The following PDE1C variants were observed in gnomAD, a reference collection of about 807,000 sequenced individuals.
The protein encoded by PDE1C is dual specificity calcium/calmodulin-dependent 3',5'-cyclic nucleotide phosphodiesterase 1C.
In PDE1C, 62 loss-of-function variants were observed where a neutral mutation model predicts 93.1. The observed-to-expected ratio is 0.67, with a 90% CI of 0.54 to 0.82. The LOEUF (loss-of-function observed/expected upper bound fraction) is 0.82, where lower values mean the gene tolerates loss of function less well. Among genes scored for constraint, PDE1C ranks in the 40% least tolerant of loss-of-function variants. The probability of loss-of-function intolerance (pLI) is 0.00; values close to 1 mark genes in which losing one functional copy is unlikely to be tolerated. For missense variants in PDE1C, 742 were observed against 884.6 expected, an observed-to-expected ratio of 0.84 and a Z score of 2.04; for synonymous variants, 325 against 310.1, an observed-to-expected ratio of 1.05 and a Z score of -0.50.
chr7:32,106,590 A>C (rs774964571), intron 3 of PDE1C, among the ~76,000 whole-genome samples: 1 of 152,168 alleles, frequency 6.6e-6, no homozygotes, highest in South Asian at 2.1e-4. Context: ...GGATTTAGCT[A>C]AAAGAACTCC....
chr7:31,744,919 C>T, the PDE1C span, among the ~76,000 whole-genome samples: 1 of 152,218 alleles, frequency 6.6e-6, no homozygotes, highest in South Asian at 2.1e-4. Flanking sequence ...CTGTGTTCCT[C>T]TCTTCACCAG....
intron 2 of PDE1C, among the ~76,000 whole-genome samples, chr7:32,006,386 T>C (rs551539278): frequency 5.1e-4 from 78 of 152,314 alleles, no homozygotes; most frequent in African/African-American, 1.8e-3. Context: ...CCCCACACTA[T>C]ACAATACAGG....
intron 17 of PDE1C, among the ~76,000 whole-genome samples, chr7:31,767,957 G>C (rs1295641547): frequency 6.6e-6 from 1 of 152,166 alleles, no homozygotes; most frequent in Non-Finnish European, 1.5e-5. Context: ...CACATTGTGT[G>C]GGGGTTCAGT....
At chr7:31,922,262 G>A (rs1357075922) in intron 2 of PDE1C, among the ~76,000 whole-genome samples, 1 of 152,044 alleles carries the variant, frequency 6.6e-6, no homozygotes, top group African/African-American at 2.4e-5. Flanking sequence ...GAAATACTTT[G>A]GAAACACTAA....
intron 1 of PDE1C, among the ~76,000 whole-genome samples, chr7:32,389,976 G>T (rs1784720350): frequency 6.6e-6 from 1 of 152,090 alleles, no homozygotes; most frequent in Admixed American, 6.6e-5. Flanking sequence ...TAAGGAATTG[G>T]TCTATATTGA....
intron 1 of PDE1C, among the ~76,000 whole-genome samples, chr7:32,251,987 A>G (rs6960114): frequency 0.41 from 62,514 of 152,106 alleles, 13,696 homozygotes; most frequent in African/African-American, 0.55. Context: ...CTCAACTGAT[A>G]GACAACCCTG....
At chr7:31,730,315 A>G in the PDE1C span, among the ~76,000 whole-genome samples, 3 of 152,142 alleles carry the variant, frequency 2.0e-5, no homozygotes, top group African/African-American at 7.2e-5. Context: ...GCTGACCTCC[A>G]TCTCAGCTCT....
In PDE1C at chr7:31,841,085, T is replaced by G. The variant is rs539248107; in HGVS notation, c.981-3114A>C. On this transcript the variant is annotated intron_variant, in intron 9 of 17. Transcript: ENST00000396191. ...TATAATCAGCAATACTACATAATCT[T>G]TAGTGAACATGAGCTGCATTTGTTT... Among the ~76,000 whole-genome samples the G allele has an allele frequency of 5.3e-5, 8 of 152,142 alleles. No homozygotes were observed. In the South Asian group the frequency reaches 1.0e-3, roughly 20 times the overall value.
intron 9 of PDE1C, among the ~76,000 whole-genome samples, chr7:31,845,447 A>G (rs1358032229): frequency 6.6e-6 from 1 of 152,116 alleles, no homozygotes; most frequent in Non-Finnish European, 1.5e-5. Flanking sequence ...CTCAAAATAC[A>G]AACTCTGTAT....
intron 3 of PDE1C, among the ~76,000 whole-genome samples, chr7:32,114,083 C>T (rs1798841294): frequency 6.6e-6 from 1 of 152,106 alleles, no homozygotes; most frequent in African/African-American, 2.4e-5. Flanking sequence ...CAATGCTATT[C>T]TCATCAAACT....
intron 9 of PDE1C, 129 bp from the exon 10 acceptor site, chr7:31,838,100 C>A (rs758684500): frequency 3.0e-6 from 2 of 662,780 alleles, no homozygotes; most frequent in Non-Finnish European, 5.4e-6. Flanking sequence ...TAATTTGGGT[C>A]TTTAAGGTGA....
chr7:32,360,573 G>A (rs1375606012), intron 1 of PDE1C, among the ~76,000 whole-genome samples: 2 of 152,216 alleles, frequency 1.3e-5, no homozygotes, highest in African/African-American at 2.4e-5. Context: ...CCTGGGGCCA[G>A]CTTCATGGGG....
intron 1 of PDE1C, among the ~76,000 whole-genome samples, chr7:32,378,748 A>T (rs1317685181): frequency 6.6e-6 from 1 of 152,138 alleles, no homozygotes; most frequent in Admixed American, 6.6e-5. Flanking sequence ...CTGTGATGGT[A>T]CCCCAACCAA....
chr7:31,672,387 CCT>C, the PDE1C span, among the ~76,000 whole-genome samples: 1 of 152,116 alleles, frequency 6.6e-6, no homozygotes, highest in African/African-American at 2.4e-5. Flanking sequence ...TAAAATATCA[CCT>C]CTCAATATAC....
the PDE1C span, among the ~76,000 whole-genome samples, chr7:31,673,867 TAA>T: frequency 4.4e-4 from 67 of 152,326 alleles, no homozygotes; most frequent in South Asian, 1.7e-3. Flanking sequence ...TCTAAACTGA[TAA>T]AATGCCTTTC....
chr7:31,741,817 C>G, the PDE1C span, among the ~76,000 whole-genome samples: 1 of 152,210 alleles, frequency 6.6e-6, no homozygotes, highest in Non-Finnish European at 1.5e-5. Context: ...TGGAAAATGG[C>G]TGTGGCTGCA....
chr7:31,930,848 CAAAAAAAAAAAAAAAAA>C (rs56394903), intron 2 of PDE1C, among the ~76,000 whole-genome samples: 2 of 32,638 alleles, frequency 6.1e-5, no homozygotes, highest in Non-Finnish European at 9.3e-5. Flanking sequence ...GACTCTGTCT[CAAAAAAAAAAAAAAAAA>C]AAAAAAAAAA....
At chr7:31,798,947 T>C (rs944725777) in intron 16 of PDE1C, among the ~76,000 whole-genome samples, 5 of 151,538 alleles carry the variant, frequency 3.3e-5, no homozygotes, top group East Asian at 3.9e-4. Context: ...TTCTGGCATA[T>C]AAAGACAATC....
At chr7:32,419,339 C>CA (rs1017182293) in intron 1 of PDE1C, among the ~76,000 whole-genome samples, 4 of 152,028 alleles carry the variant, frequency 2.6e-5, no homozygotes, top group African/African-American at 9.7e-5. Context: ...AAAGAGTACT[C>CA]AAAAAATAGT....
Sources: gnomAD v4.1 joint callset for allele counts (sites outside exome capture counted in the v4.1 genomes callset) on GRCh38, gnomAD v4.1.1 for gene constraint, MANE v1.5 for transcripts, NCBI Gene and HGNC (gene_info 2026-07-23, HGNC 2026-07-21) for gene names.